Variants in ADGRL3 observed in about 807,000 individuals in gnomAD.
The protein encoded by ADGRL3 is adhesion G protein-coupled receptor L3.
In ADGRL3, 62 loss-of-function variants were observed where a neutral mutation model predicts 153.5. That is an observed-to-expected ratio of 0.40 (90% CI 0.33 to 0.50). The LOEUF (loss-of-function observed/expected upper bound fraction) is 0.50, where lower values mean the gene tolerates loss of function less well. Among genes scored for constraint, ADGRL3 ranks in the 20% least tolerant of loss-of-function variants. The probability of loss-of-function intolerance (pLI) is 0.47; values close to 1 mark genes in which losing one functional copy is unlikely to be tolerated. For missense variants in ADGRL3, 1,641 were observed against 1,859.4 expected (o/e 0.88, Z 2.16); for synonymous variants, 710 against 672.5 (o/e 1.06, Z -0.86).
chr4:61,721,703 C>G (rs970082242), intron 6 of ADGRL3, among the ~76,000 whole-genome samples: 2 of 152,186 alleles, frequency 1.3e-5, no homozygotes, highest in Non-Finnish European at 2.9e-5. Context: ...TGCACAGTCA[C>G]TTTCACAAGC....
At chr4:61,236,129 C>T (rs952045952) in intron 1 of ADGRL3, among the ~76,000 whole-genome samples, 2 of 149,492 alleles carry the variant, frequency 1.3e-5, no homozygotes, top group Non-Finnish European at 3.0e-5. Context: ...CCTGTCTCAA[C>T]CTCCCAAGTA....
chr4:61,724,975 G>A lies in ADGRL3; in HGVS notation c.584-5647G>A, dbSNP rs112306081. On this transcript the variant is annotated intron_variant, in intron 6 of 26. Transcript: ENST00000683033. ...TTTTTCCTGTATTTTATCTTCTCTA[G>A]AGAGTTGCTTTGTAACACTAGTACA... Among the ~76,000 whole-genome samples the A allele has an allele frequency of 5.9e-5, 9 of 152,154 alleles. 1 individual carries two copies. Among genetic ancestry groups the A allele is most frequent in the African/African-American group, 2.2e-4 (9 of 41,514 alleles).
At chr4:61,234,655 G>A (rs1472454140) in intron 1 of ADGRL3, among the ~76,000 whole-genome samples, 1 of 152,150 alleles carries the variant, frequency 6.6e-6, no homozygotes, top group Non-Finnish European at 1.5e-5. Context: ...TGGTCGGAGA[G>A]CTTGGAGCTT....
chr4:61,976,846 G>A (rs1375888809), intron 17 of ADGRL3, among the ~76,000 whole-genome samples: 4 of 152,120 alleles, frequency 2.6e-5, no homozygotes, highest in Non-Finnish European at 4.4e-5. Context: ...GTCTTTATCA[G>A]CAGCATGAGA....
At chr4:61,858,436 C>T (rs902605476) in intron 9 of ADGRL3, among the ~76,000 whole-genome samples, 1 of 152,116 alleles carries the variant, frequency 6.6e-6, no homozygotes. Context: ...GCCTGACCAA[C>T]ATGGTGAAAC....
chr4:61,988,134 C>T (rs192859520), intron 19 of ADGRL3, among the ~76,000 whole-genome samples: 4 of 152,026 alleles, frequency 2.6e-5, no homozygotes, highest in Admixed American at 2.0e-4. Context: ...ATGTATAAAA[C>T]ACATACACAC....
chr4:61,582,645 A>G (rs1265023871), intron 4 of ADGRL3, among the ~76,000 whole-genome samples: 2 of 151,966 alleles, frequency 1.3e-5, no homozygotes, highest in African/African-American at 4.8e-5. Context: ...AATGCATGAA[A>G]AAAAAAAACA....
At chr4:61,424,404 G>C (rs76022825) in intron 2 of ADGRL3, among the ~76,000 whole-genome samples, 11,158 of 152,022 alleles carry the variant, frequency 0.073, 1,104 homozygotes, top group East Asian at 0.24. Context: ...GTGGCACCCT[G>C]GACCCATAGG....
At chr4:61,937,540 C>T (rs146935006) in intron 15 of ADGRL3, among the ~76,000 whole-genome samples, 17 of 151,922 alleles carry the variant, frequency 1.1e-4, no homozygotes, top group African/African-American at 3.6e-4. Context: ...TCTCCTCTAA[C>T]GTAGACTCCT....
intron 1 of ADGRL3, among the ~76,000 whole-genome samples, chr4:61,313,411 A>G (rs1451637595): frequency 6.6e-6 from 1 of 152,186 alleles, no homozygotes; most frequent in Admixed American, 6.5e-5. Flanking sequence ...ATGTATTGCT[A>G]TTGGCTCATC....
chr4:61,981,198 G>A (rs2099067112), intron 18 of ADGRL3, among the ~76,000 whole-genome samples: 3 of 151,882 alleles, frequency 2.0e-5, no homozygotes, highest in Admixed American at 2.0e-4. Flanking sequence ...TTAACCATAG[G>A]GCTCAATATT....
intron 8 of ADGRL3, among the ~76,000 whole-genome samples, chr4:61,755,484 A>C (rs1169264816): frequency 6.6e-6 from 1 of 151,838 alleles, no homozygotes; most frequent in East Asian, 1.9e-4. Context: ...TTTTCTTGTA[A>C]ATTTGTTTCA....
At chr4:61,604,302 G>C (rs1311025022) in intron 5 of ADGRL3, among the ~76,000 whole-genome samples, 1 of 152,024 alleles carries the variant, frequency 6.6e-6, no homozygotes, top group Admixed American at 6.6e-5. Context: ...TTGAGGTCTA[G>C]ATAATTAAAA....
At chr4:61,967,244 G>T (rs1432059279) in intron 17 of ADGRL3, among the ~76,000 whole-genome samples, 1 of 151,582 alleles carries the variant, frequency 6.6e-6, no homozygotes, top group Non-Finnish European at 1.5e-5. Context: ...CTATATTATT[G>T]TGCATTTTTA....
intron 4 of ADGRL3, among the ~76,000 whole-genome samples, chr4:61,546,305 G>A (rs1055302016): frequency 6.6e-6 from 1 of 152,156 alleles, no homozygotes. Context: ...ATTACTATAT[G>A]TCTGTATTAC....
chr4:61,425,773 A>G lies in ADGRL3; in HGVS notation c.-174+42584A>G, dbSNP rs2097271067. 2.0e-5 allele frequency among the ~76,000 whole-genome samples: 3 copies of G among 152,164 alleles called. No homozygotes were observed. The South Asian group carries it at 6.2e-4, about 31-fold the overall frequency. On this transcript the variant is annotated intron_variant, in intron 2 of 26. Coordinates refer to ENST00000683033, the MANE Select transcript of ADGRL3 (RefSeq NM_001387552.1). ...ATGAACAGTCATTCACGGAGGCCATATATTAAATACCCAAGGAGTGACATG... is the reference window on the plus strand; with the variant it reads ...ATGAACAGTCATTCACGGAGGCCATGTATTAAATACCCAAGGAGTGACATG...
intron 1 of ADGRL3, among the ~76,000 whole-genome samples, chr4:61,297,057 G>C (rs2150270600): frequency 6.6e-6 from 1 of 152,246 alleles, no homozygotes; most frequent in African/African-American, 2.4e-5. Context: ...GTAGATCAAT[G>C]TGTAGCACAT....
At chr4:61,895,875 T>A (rs1162643560) in intron 11 of ADGRL3, 41 bp downstream of exon 11, 1 of 1,160,734 alleles carries the variant, frequency 8.6e-7, no homozygotes, top group East Asian at 2.6e-5. Context: ...GCTAAAACTA[T>A]ATCATCTGTT....
At chr4:61,765,132 G>T (rs548198083) in intron 8 of ADGRL3, among the ~76,000 whole-genome samples, 24 of 152,236 alleles carry the variant, frequency 1.6e-4, no homozygotes, top group African/African-American at 5.5e-4. Flanking sequence ...TTTGGGGATA[G>T]CACCAGGAGA....
Sources: allele counts gnomAD v4.1 joint callset (sites outside exome capture counted in the v4.1 genomes callset), GRCh38; gene constraint gnomAD v4.1.1; transcripts MANE v1.5; gene names NCBI Gene and HGNC (gene_info 2026-07-23, HGNC 2026-07-21).